Variants in UTRN observed in about 807,000 individuals in gnomAD.
UTRN encodes the protein dystrophin-related protein 1.
UTRN carries 283 observed loss-of-function variants against 463.9 expected under a neutral mutation model. That is an observed-to-expected ratio of 0.61 (90% CI 0.55 to 0.67). The LOEUF is 0.67. Ranked by LOEUF, UTRN falls within the 30% of genes least tolerant of loss-of-function variation. The pLI is 0.00. For synonymous variants in UTRN, 1,442 were observed against 1,431.5 expected, an observed-to-expected ratio of 1.01 and a Z score of -0.17; for missense variants, 3,922 against 4,084.3, an observed-to-expected ratio of 0.96 and a Z score of 1.08.
intron 29 of UTRN, 61 bp from the exon 30 acceptor site, chr6:144,488,612 A>G (rs1200923291): frequency 3.2e-6 from 5 of 1,551,818 alleles, no homozygotes; most frequent in East Asian, 2.3e-5. Flanking sequence ...GCCAGAATAT[A>G]TATATTCTGC....
intron 3 of UTRN, among the ~76,000 whole-genome samples, chr6:144,409,644 C>G (rs1450603511): frequency 2.0e-5 from 3 of 152,100 alleles, no homozygotes; most frequent in Non-Finnish European, 4.4e-5. Flanking sequence ...GAATCTCTAC[C>G]TATTACACAG....
At chr6:144,418,842 G>A (rs925080079) in intron 3 of UTRN, among the ~76,000 whole-genome samples, 4 of 152,018 alleles carry the variant, frequency 2.6e-5, no homozygotes, top group South Asian at 2.1e-4. Flanking sequence ...ATGAGCCACC[G>A]TGCCCAGCCA....
intron 66 of UTRN, among the ~76,000 whole-genome samples, chr6:144,825,802 A>G (rs1018479223): frequency 6.6e-6 from 1 of 152,194 alleles, no homozygotes; most frequent in South Asian, 2.1e-4. Context: ...ATTCAGGGTT[A>G]ATGAAGAACA....
intron 55 of UTRN, among the ~76,000 whole-genome samples, chr6:144,750,717 A>C (rs1259130923): frequency 6.6e-6 from 1 of 152,158 alleles, no homozygotes; most frequent in African/African-American, 2.4e-5. Flanking sequence ...ATTCTGTGTT[A>C]GCTTAATATT....
chr6:144,425,290 G>C (rs1304976108), intron 6 of UTRN, among the ~76,000 whole-genome samples: 1 of 152,142 alleles, frequency 6.6e-6, no homozygotes, highest in Non-Finnish European at 1.5e-5. Flanking sequence ...TCTTCTTAGT[G>C]CATCATATCG....
rs752916859 is a variant in UTRN, at chr6:144,531,043, G to T, written c.5907-9G>T. 6.2e-7 allele frequency: 1 copy of T among 1,612,440 alleles called. No homozygotes were observed. Among genetic ancestry groups the T allele is most frequent in the South Asian group, 1.1e-5 (1 of 90,790 alleles). On this transcript the variant is annotated splice_polypyrimidine_tract_variant and intron_variant, in intron 41 of 74. Transcript: ENST00000367545. ...GGAAACCTATTTTATTTTGTGTATT[G>T]TCCTCTAGTTGTTTTGACAGGGCAA...
intron 65 of UTRN, among the ~76,000 whole-genome samples, chr6:144,811,981 G>T (rs1401954453): frequency 6.6e-6 from 1 of 151,992 alleles, no homozygotes; most frequent in Non-Finnish European, 1.5e-5. Flanking sequence ...TTGCCTCTTT[G>T]TAAGCCTTTG....
intron 66 of UTRN, 140 bp downstream of exon 66, chr6:144,821,158 A>T: frequency 1.3e-5 from 14 of 1,106,694 alleles, no homozygotes; most frequent in Non-Finnish European, 1.7e-5. Flanking sequence ...CAGTCTTCAC[A>T]ACATGAATTT....
chr6:144,827,584 T>C, intron 67 of UTRN, 27 bp from the exon 68 acceptor site: 1 of 1,612,814 alleles, frequency 6.2e-7, no homozygotes, highest in Non-Finnish European at 8.5e-7. Context: ...GGGCATAAAA[T>C]TATTGCTTTG....
At chr6:144,447,345 T>G in intron 15 of UTRN, 27 bp downstream of exon 15, 1 of 1,598,714 alleles carries the variant, frequency 6.3e-7, no homozygotes, top group South Asian at 1.1e-5. Context: ...TCAGCATCTG[T>G]GTTGTAAGCC....
At chr6:144,488,217 A>C (rs1792672670) in intron 29 of UTRN, among the ~76,000 whole-genome samples, 1 of 152,206 alleles carries the variant, frequency 6.6e-6, no homozygotes, top group Non-Finnish European at 1.5e-5. Flanking sequence ...TTAACCCAAA[A>C]GTGCTGTAAA....
intron 58 of UTRN, 190 bp downstream of exon 58, chr6:144,758,179 G>A (rs1468125185): frequency 8.3e-6 from 4 of 480,328 alleles, no homozygotes; most frequent in Non-Finnish European, 1.5e-5. Flanking sequence ...TATCAGATTA[G>A]GGATATAGGT....
intron 2 of UTRN, among the ~76,000 whole-genome samples, chr6:144,351,930 G>A (rs1052353025): frequency 2.0e-5 from 3 of 152,160 alleles, no homozygotes; most frequent in African/African-American, 7.2e-5. Flanking sequence ...CTATCACACC[G>A]ACACTGCTAC....
At chr6:144,816,403 T>C (rs1170745703) in intron 65 of UTRN, among the ~76,000 whole-genome samples, 1 of 152,148 alleles carries the variant, frequency 6.6e-6, no homozygotes, top group Non-Finnish European at 1.5e-5. Context: ...GGGAAGAAAG[T>C]TTTGCCTGGA....
chr6:144,334,849 A>T (rs1278775406), intron 2 of UTRN, among the ~76,000 whole-genome samples: 1 of 152,192 alleles, frequency 6.6e-6, no homozygotes, highest in Non-Finnish European at 1.5e-5. Context: ...TTGGTGTTTT[A>T]CTTTGTGTCC....
intron 56 of UTRN, among the ~76,000 whole-genome samples, chr6:144,753,674 G>C (rs549063533): frequency 1.5e-3 from 216 of 146,774 alleles, no homozygotes; most frequent in African/African-American, 4.9e-3. Flanking sequence ...TCCAACCTGG[G>C]CAGCATAGTG....
chr6:144,666,955 G>A (rs1685008486), intron 51 of UTRN, among the ~76,000 whole-genome samples: 1 of 152,128 alleles, frequency 6.6e-6, no homozygotes. Flanking sequence ...TCCTGATGTT[G>A]CGTATGCTCT....
chr6:144,538,115 T>G (rs1797687519), intron 44 of UTRN, among the ~76,000 whole-genome samples: 1 of 152,190 alleles, frequency 6.6e-6, no homozygotes, highest in African/African-American at 2.4e-5. Context: ...TCAGAGTGAC[T>G]TGCTGAGGAA....
intron 60 of UTRN, among the ~76,000 whole-genome samples, chr6:144,774,674 A>G (rs1370172482): frequency 1.3e-5 from 2 of 152,208 alleles, no homozygotes; most frequent in South Asian, 4.1e-4. Flanking sequence ...GTATTAAGTC[A>G]TGTGTTTTCA....
Sources: allele counts gnomAD v4.1 joint callset (sites outside exome capture counted in the v4.1 genomes callset), GRCh38; gene constraint gnomAD v4.1.1; transcripts MANE v1.5; gene names NCBI Gene and HGNC (gene_info 2026-07-23, HGNC 2026-07-21).